PWWP2A: variants seen among roughly 807,000 people sequenced by gnomAD.
The protein encoded by PWWP2A is PWWP domain containing 2A, also known as PWWP domain-containing protein 2A.
PWWP2A carries 18 observed loss-of-function variants against 48.5 expected under a neutral mutation model. That is an observed-to-expected ratio of 0.37 (90% confidence interval 0.26 to 0.55). PWWP2A has a LOEUF of 0.55. Ranked by LOEUF, PWWP2A falls within the 20% of genes least tolerant of loss-of-function variation. PWWP2A has a pLI of 0.81. For synonymous variants in PWWP2A, 396 were observed against 387.7 expected (o/e 1.02, Z -0.25); for missense variants, 867 against 976.4 (o/e 0.89, Z 1.49).
At chr5:160,116,681 C>T (rs1214887532) in intron 1 of PWWP2A, 1 of 985,152 alleles carries the variant, frequency 1.0e-6, no homozygotes, top group Non-Finnish European at 1.2e-6. Context: ...TTTCCAAAAA[C>T]AACTTACCTT....
chr5:160,054,745 AGATTT>A, the PWWP2A span, among the ~76,000 whole-genome samples: 1 of 152,226 alleles, frequency 6.6e-6, no homozygotes, highest in Non-Finnish European at 1.5e-5. Context: ...AGGAACATAA[AGATTT>A]GAAGTCAGGT....
chr5:160,082,305 G>A (rs1368172606), intron 2 of PWWP2A, among the ~76,000 whole-genome samples: 1 of 151,772 alleles, frequency 6.6e-6, no homozygotes, highest in Non-Finnish European at 1.5e-5. Flanking sequence ...TTAGCCGGGC[G>A]TGGTAGCGGG....
intron 1 of PWWP2A, among the ~76,000 whole-genome samples, chr5:160,112,389 T>A (rs1052707285): frequency 6.6e-6 from 1 of 151,836 alleles, no homozygotes; most frequent in Non-Finnish European, 1.5e-5. Context: ...CCCAGATAAT[T>A]TTTTGTATTT....
intron 4 of PWWP2A, among the ~76,000 whole-genome samples, chr5:160,066,305 T>TTTTTTTTTTTG: frequency 7.2e-6 from 1 of 139,500 alleles, no homozygotes; most frequent in Admixed American, 7.2e-5. Flanking sequence ...CATTTTTTTT[T>TTTTTTTTTTTG]TTTTTTTTTT....
the PWWP2A span, among the ~76,000 whole-genome samples, chr5:160,054,303 A>C: frequency 6.6e-6 from 1 of 152,222 alleles, no homozygotes; most frequent in Non-Finnish European, 1.5e-5. Flanking sequence ...ATGATTTCAC[A>C]GTTTTCTTAA....
the PWWP2A span, among the ~76,000 whole-genome samples, chr5:160,052,548 CAAA>C: frequency 0.01 from 694 of 68,062 alleles, 1 homozygote; most frequent in African/African-American, 0.037. Context: ...TCTATTTTAG[CAAA>C]AAAAAAAAAA....
At chr5:160,107,680 A>C (rs527914129) in intron 1 of PWWP2A, among the ~76,000 whole-genome samples, 1 of 152,352 alleles carries the variant, frequency 6.6e-6, no homozygotes, top group South Asian at 2.1e-4. Flanking sequence ...GTACACAGTA[A>C]AGTACAGTCT....
the PWWP2A span, among the ~76,000 whole-genome samples, chr5:160,055,028 C>T: frequency 6.6e-6 from 1 of 152,230 alleles, no homozygotes; most frequent in South Asian, 2.1e-4. Context: ...GAGTGCCTTC[C>T]TGGGGGTTGG....
chr5:160,092,668 G>A lies in PWWP2A; in HGVS notation c.1982C>T (p.Ala661Val). Reference sequence around the variant, plus strand: ...CCACCAAGGGAAGCCATATATCTTGGCCCAAACAATGTCCCCTACACATAT... The same window carrying A: ...CCACCAAGGGAAGCCATATATCTTGACCCAAACAATGTCCCCTACACATAT... ...RTICVGDIVW[A>V]KIYGFPWWPA... is the part of the protein sequence containing the mutation. The change falls in exon 2 of 2, where the codon GCC becomes GTC. Residue 661 changes from alanine to valine, a missense_variant. By Grantham distance (64) the Ala-to-Val change is moderately conservative. Transcript: ENST00000307063. The A allele has an allele frequency of 6.4e-7, 1 of 1,551,680 alleles. No individual in the cohort carries two copies. The highest frequency in any genetic ancestry group is 8.7e-7 in the Non-Finnish European group (1 of 1,147,002).
intron 1 of PWWP2A, chr5:160,108,717 A>C (rs1757146166): frequency 2.0e-6 from 1 of 506,746 alleles, no homozygotes; most frequent in South Asian, 1.6e-5. Flanking sequence ...GAAGTTTCCT[A>C]AGGAAATCAT....
intron 1 of PWWP2A, among the ~76,000 whole-genome samples, chr5:160,101,028 T>C (rs187538831): frequency 7.2e-5 from 11 of 152,290 alleles, no homozygotes; most frequent in Admixed American, 4.6e-4. Context: ...AAATATATTA[T>C]ACAAAATAAT....
At chr5:160,094,324 T>C (rs1204608315) in intron 1 of PWWP2A, among the ~76,000 whole-genome samples, 1 of 152,226 alleles carries the variant, frequency 6.6e-6, no homozygotes, top group Non-Finnish European at 1.5e-5. Flanking sequence ...TTAAAGTAGA[T>C]ATTTCCAGTC....
At chr5:160,089,201 GT>G (rs547655890), downstream of PWWP2A, among the ~76,000 whole-genome samples, 2 of 151,816 alleles carry the variant, frequency 1.3e-5, no homozygotes, top group Non-Finnish European at 2.9e-5. Flanking sequence ...GATATATAGG[GT>G]TTTTTTTCAG....
chr5:160,098,829 G>A (rs1455122695), intron 1 of PWWP2A, among the ~76,000 whole-genome samples: 1 of 152,186 alleles, frequency 6.6e-6, no homozygotes, highest in Non-Finnish European at 1.5e-5. Flanking sequence ...TCAGCCAGGT[G>A]TGGTGGTGCA....
chr5:160,067,488 T>G (rs1380601067), intron 2 of PWWP2A, among the ~76,000 whole-genome samples: 2 of 152,196 alleles, frequency 1.3e-5, no homozygotes, highest in Non-Finnish European at 2.9e-5. Context: ...GGAAATAGAC[T>G]TGTTCGTCTA....
At chr5:160,089,927 T>C (rs1044921685), downstream of PWWP2A, 1 of 985,154 alleles carries the variant, frequency 1.0e-6, no homozygotes, top group East Asian at 1.1e-4. Context: ...CTGGACAAAT[T>C]TATCTAAGAC....
chr5:160,116,733 C>T, intron 1 of PWWP2A: 7 of 985,230 alleles, frequency 7.1e-6, no homozygotes, highest in Non-Finnish European at 7.2e-6. Context: ...GATTCTCACA[C>T]AATCACTGGC....
chr5:160,109,775 ATATATATATATATAT>A (rs1195877753), intron 1 of PWWP2A, among the ~76,000 whole-genome samples: 1 of 27,844 alleles, frequency 3.6e-5, no homozygotes, highest in African/African-American at 1.3e-4. Flanking sequence ...AAAAAAAAAA[ATATATATATATATAT>A]ATATATATAT....
At chr5:160,097,054 C>T (rs1023834725) in intron 1 of PWWP2A, among the ~76,000 whole-genome samples, 1 of 152,082 alleles carries the variant, frequency 6.6e-6, no homozygotes, top group African/African-American at 2.4e-5. Flanking sequence ...TAGTAACTTA[C>T]AGCCTGATGC....
Sources: gnomAD v4.1 joint callset for allele counts (sites outside exome capture counted in the v4.1 genomes callset) on GRCh38, gnomAD v4.1.1 for gene constraint, MANE v1.5 for transcripts, NCBI Gene and HGNC (gene_info 2026-07-23, HGNC 2026-07-21) for gene names.